Variants in CCDC13 observed in about 807,000 individuals in gnomAD.
The protein encoded by CCDC13 is coiled-coil domain-containing protein 13.
A neutral mutation model predicts 87.3 loss-of-function variants in CCDC13; 70 were observed. That is an observed-to-expected ratio of 0.80 (90% CI 0.66 to 0.98). CCDC13 has a LOEUF of 0.98. Ranked by LOEUF, CCDC13 falls within the 50% of genes least tolerant of loss-of-function variation. The pLI, the probability that CCDC13 is intolerant of heterozygous loss-of-function variation, is 0.00. For synonymous variants in CCDC13, 317 were observed against 360.3 expected (o/e 0.88, Z 1.36); for missense variants, 842 against 892.0 (o/e 0.94, Z 0.71).
intron 8 of CCDC13, among the ~76,000 whole-genome samples, chr3:42,741,491 C>A (rs1432629196): frequency 5.3e-5 from 8 of 152,184 alleles, no homozygotes; most frequent in Non-Finnish European, 7.3e-5. Context: ...AATCCCAGCA[C>A]TTTGTGAGGC....
intron 6 of CCDC13, chr3:42,746,327 G>A (rs1355957851): frequency 6.0e-6 from 2 of 332,438 alleles, no homozygotes; most frequent in South Asian, 4.1e-5. Flanking sequence ...GAACCACAAA[G>A]CTGACCAACT....
chr3:42,769,203 T>C (rs900508293), intron 1 of CCDC13, among the ~76,000 whole-genome samples: 6 of 152,184 alleles, frequency 3.9e-5, no homozygotes, highest in African/African-American at 1.2e-4. Context: ...AAAAGAAATA[T>C]GGATGGCAAA....
intron 1 of CCDC13, among the ~76,000 whole-genome samples, chr3:42,767,110 T>C (rs1699947034): frequency 6.6e-6 from 1 of 151,084 alleles, no homozygotes; most frequent in Non-Finnish European, 1.5e-5. Flanking sequence ...AAGGAAGAAA[T>C]AAAATTGCCT....
At chr3:42,737,692 G>C (rs1199755745) in intron 9 of CCDC13, among the ~76,000 whole-genome samples, 5 of 152,212 alleles carry the variant, frequency 3.3e-5, no homozygotes. Context: ...TCAAGTGTCT[G>C]TTGGCTGCAC....
chr3:42,734,816 AC>A (rs939177784), intron 10 of CCDC13, among the ~76,000 whole-genome samples: 6 of 151,962 alleles, frequency 3.9e-5, no homozygotes, highest in African/African-American at 1.5e-4. Flanking sequence ...CCCCACCACC[AC>A]CCCAGGGAGG....
intron 7 of CCDC13, chr3:42,745,491 C>T (rs1699367315): frequency 6.4e-6 from 1 of 155,984 alleles, no homozygotes; most frequent in Admixed American, 6.2e-5. Context: ...TTGGTATGCT[C>T]CAAAATATTC....
intron 13 of CCDC13, among the ~76,000 whole-genome samples, chr3:42,722,131 C>T (rs887601197): frequency 1.3e-5 from 2 of 152,140 alleles, no homozygotes; most frequent in Non-Finnish European, 2.9e-5. Context: ...TTAAATTGAA[C>T]ACTTATTAAT....
intron 1 of CCDC13, among the ~76,000 whole-genome samples, chr3:42,766,657 C>G (rs1045333203): frequency 6.6e-6 from 1 of 151,056 alleles, no homozygotes; most frequent in Non-Finnish European, 1.5e-5. Flanking sequence ...ACTTCCTCTC[C>G]AAGAATATTA....
At position 42,707,660 on chromosome 3, in the gene CCDC13, G is replaced by A. The variant is rs753894576; in HGVS notation, c.*1320C>T. On this transcript the variant is annotated 3_prime_UTR_variant, in exon 16 of 16. Coordinates refer to ENST00000310232, the MANE Select transcript of CCDC13 (RefSeq NM_144719.4). ...GCATCACTGCACAAGCAACACACAA[G>A]TGGCTATGTCTTCACGTGTGGGAAT... Among the ~76,000 whole-genome samples, 1 of 152,250 alleles carries A rather than the reference G, an allele frequency of 6.6e-6. No individual in the cohort carries two copies. Among genetic ancestry groups the A allele is most frequent in the Non-Finnish European group, 1.5e-5 (1 of 68,050 alleles).
intron 13 of CCDC13, among the ~76,000 whole-genome samples, chr3:42,720,125 A>G (rs1698526247): frequency 1.3e-5 from 2 of 152,226 alleles, no homozygotes; most frequent in African/African-American, 4.8e-5. Context: ...TAGATTCTAC[A>G]TAAGGCCTGG....
chr3:42,727,798 C>G (rs1698723663), intron 13 of CCDC13, among the ~76,000 whole-genome samples: 1 of 151,958 alleles, frequency 6.6e-6, no homozygotes, highest in African/African-American at 2.4e-5. Flanking sequence ...ACTAAAAGAA[C>G]AGAGATAGAA....
At chr3:42,732,157 T>A (rs754654984) in intron 12 of CCDC13, among the ~76,000 whole-genome samples, 14 of 152,244 alleles carry the variant, frequency 9.2e-5, no homozygotes, top group Non-Finnish European at 1.5e-4. Flanking sequence ...AGTGCCTTTA[T>A]GACCCCAGCC....
chr3:42,768,159 TA>T (rs961011981), intron 1 of CCDC13, among the ~76,000 whole-genome samples: 1 of 152,056 alleles, frequency 6.6e-6, no homozygotes, highest in Admixed American at 6.6e-5. Context: ...TATCCATATG[TA>T]AAAAAGTGAA....
At position 42,732,916 on chromosome 3, in the gene CCDC13, G is replaced by A; in HGVS notation, c.1566C>T (p.Ser522=). The part of the protein sequence containing the change: ...TLVESALTRP[S]LPSPHRTSPR... ...GTGAGGTCCTGTGGGGACTGGGCAG[G>A]GAAGGCCTCGTGAGAGCAGATTCCA... Residue 522 remains serine (S), a synonymous_variant, in exon 12 of 16, where the codon TCC becomes TCT. Transcript: ENST00000310232. 6.4e-7 allele frequency: 1 copy of A among 1,554,396 alleles called. No individual in the cohort carries two copies. Among genetic ancestry groups the A allele is most frequent in the Non-Finnish European group, 8.7e-7 (1 of 1,148,222 alleles).
chr3:42,725,879 A>G (rs967410393), intron 13 of CCDC13, among the ~76,000 whole-genome samples: 2 of 152,176 alleles, frequency 1.3e-5, no homozygotes, highest in African/African-American at 4.8e-5. Flanking sequence ...ACAAGGAAAT[A>G]ATTTACTACA....
chr3:42,732,409 C>A (rs1156793106), intron 12 of CCDC13, among the ~76,000 whole-genome samples: 2 of 152,104 alleles, frequency 1.3e-5, no homozygotes, highest in African/African-American at 4.8e-5. Context: ...GGGCTCGGGA[C>A]AGGGCTTAGA....
At chr3:42,710,205 G>T (rs1575264646) in intron 14 of CCDC13, among the ~76,000 whole-genome samples, 1 of 151,500 alleles carries the variant, frequency 6.6e-6, no homozygotes, top group Admixed American at 6.6e-5. Flanking sequence ...CGCCTCCAGG[G>T]TTCAAGCGAT....
Position 42,745,979 on chromosome 3 carries a change from A to T in CCDC13, c.769T>A (p.Ser257Thr). The T allele has an allele frequency of 6.2e-7, 1 of 1,614,134 alleles. No homozygotes were observed. Among genetic ancestry groups the T allele is most frequent in the Non-Finnish European group, 8.5e-7 (1 of 1,180,014 alleles). ...CGACCCCTCCAGGTCCCTGGCGAAGATAGGAGCTGCTGAACGTTGATGTCT... is the reference window on the plus strand; with the variant it reads ...CGACCCCTCCAGGTCCCTGGCGAAGTTAGGAGCTGCTGAACGTTGATGTCT... Reference protein sequence around the residue: ...GEDINVQQLLSSPGTWRGRAQ... With the variant: ...GEDINVQQLLTSPGTWRGRAQ... Residue 257 changes from serine (S) to threonine (T), a missense_variant, in exon 7 of 16, where the codon TCT becomes ACT. By Grantham distance (58) the Ser-to-Thr change is moderately conservative. Coordinates refer to ENST00000310232, the MANE Select transcript of CCDC13 (RefSeq NM_144719.4).
At position 42,735,691 on chromosome 3, in the gene CCDC13, C is replaced by T. The variant is rs768754276; in HGVS notation, c.1371+16G>A. Reference sequence around the variant, plus strand: ...GGCTTGAAAATGGGTTTGGGCGCTGCCAGTGCCCTACTCACGTGCACATTG... The same window carrying T: ...GGCTTGAAAATGGGTTTGGGCGCTGTCAGTGCCCTACTCACGTGCACATTG... On this transcript the variant is annotated intron_variant, in intron 10 of 15. Coordinates refer to ENST00000310232, the MANE Select transcript of CCDC13 (RefSeq NM_144719.4). 5.0e-6 allele frequency: 8 copies of T among 1,611,204 alleles called. No homozygotes were observed. Among genetic ancestry groups the T allele is most frequent in the Admixed American group, 3.3e-5 (2 of 59,980 alleles).
Sources: gnomAD v4.1 joint callset for allele counts (sites outside exome capture counted in the v4.1 genomes callset) on GRCh38, gnomAD v4.1.1 for gene constraint, MANE v1.5 for transcripts, NCBI Gene and HGNC (gene_info 2026-07-23, HGNC 2026-07-21) for gene names.